MSRB3: variants seen among roughly 807,000 people sequenced by gnomAD.
MSRB3 encodes the protein methionine-R-sulfoxide reductase B3.
A neutral mutation model predicts 21.0 loss-of-function variants in MSRB3; 13 were observed. That is an observed-to-expected ratio of 0.62 (90% CI 0.40 to 0.98). The LOEUF (loss-of-function observed/expected upper bound fraction) is 0.98. Ranked by LOEUF, MSRB3 falls within the 50% of genes least tolerant of loss-of-function variation. The pLI, the probability that MSRB3 is intolerant of heterozygous loss-of-function variation, is 0.00. For synonymous variants in MSRB3, 87 were observed against 88.6 expected, an observed-to-expected ratio of 0.98 and a Z score of 0.10; for missense variants, 199 against 230.3, an observed-to-expected ratio of 0.86 and a Z score of 0.88.
At chr12:65,396,750 A>AAGAAAGAAAGAAAGAG (rs1879837583) in intron 5 of MSRB3, among the ~76,000 whole-genome samples, 1 of 150,410 alleles carries the variant, frequency 6.6e-6, no homozygotes, top group Non-Finnish European at 1.5e-5. Context: ...GAAAGAAAGA[A>AAGAAAGAAAGAAAGAG]AGAAAACCCA....
In MSRB3 at chr12:65,354,648, C is replaced by T. The variant is rs150108270; in HGVS notation, c.264-14350C>T. 3.5e-3 allele frequency among the ~76,000 whole-genome samples: 524 copies of T among 151,552 alleles called. 4 individuals are homozygous for T. The highest frequency in any genetic ancestry group is 0.012 in the African/African-American group (492 of 41,394). Reference sequence around the variant, plus strand: ...CGTTTAATTTTTTTTTAAGAAAGATCTTTAAGTTTACTACAAAGGCCAAAG... The same window carrying T: ...CGTTTAATTTTTTTTTAAGAAAGATTTTTAAGTTTACTACAAAGGCCAAAG... On this transcript the variant is annotated intron_variant, in intron 4 of 6. Coordinates refer to ENST00000308259, the MANE Select transcript of MSRB3 (RefSeq NM_001031679.3).
intron 5 of MSRB3, among the ~76,000 whole-genome samples, chr12:65,436,678 A>ATCATTAATC (rs1453184740): frequency 9.2e-5 from 14 of 152,052 alleles, no homozygotes; most frequent in African/African-American, 2.9e-4. Context: ...ATTTACAAAA[A>ATCATTAATC]TCATTAATCA....
intron 5 of MSRB3, among the ~76,000 whole-genome samples, chr12:65,411,716 T>C (rs1165555916): frequency 6.7e-6 from 1 of 150,182 alleles, no homozygotes; most frequent in African/African-American, 2.4e-5. Context: ...AATGCAGAAT[T>C]AAGCTAGATT....
intron 2 of MSRB3, among the ~76,000 whole-genome samples, chr12:65,313,308 C>T (rs1303464258): frequency 6.6e-6 from 1 of 152,064 alleles, no homozygotes; most frequent in African/African-American, 2.4e-5. Context: ...TCAATTTGAG[C>T]TGGCAATAGT....
intron 5 of MSRB3, among the ~76,000 whole-genome samples, chr12:65,393,630 CAAAAAAAAAAA>C (rs59417371): frequency 1.1e-5 from 1 of 90,664 alleles, no homozygotes; most frequent in African/African-American, 4.4e-5. Flanking sequence ...GACTCCGTCG[CAAAAAAAAAAA>C]AAAAAAAAAA....
chr12:65,452,844 C>T (rs924854730), intron 5 of MSRB3, among the ~76,000 whole-genome samples: 1 of 152,242 alleles, frequency 6.6e-6, no homozygotes, highest in Non-Finnish European at 1.5e-5. Flanking sequence ...AAAAATTGCA[C>T]CAGCACTTCA....
chr12:65,304,598 G>T (rs923401941), intron 1 of MSRB3, among the ~76,000 whole-genome samples: 1 of 152,168 alleles, frequency 6.6e-6, no homozygotes, highest in African/African-American at 2.4e-5. Flanking sequence ...ATTCATCCAT[G>T]TAGTTAATTG....
chr12:65,351,188 T>G (rs1477659655), intron 4 of MSRB3, among the ~76,000 whole-genome samples: 1 of 151,818 alleles, frequency 6.6e-6, no homozygotes, highest in African/African-American at 2.4e-5. Flanking sequence ...ACATGGAAAC[T>G]GAACAACCTG....
At chr12:65,433,516 A>G (rs910591763) in intron 5 of MSRB3, among the ~76,000 whole-genome samples, 2 of 151,778 alleles carry the variant, frequency 1.3e-5, no homozygotes, top group Non-Finnish European at 2.9e-5. Flanking sequence ...TCACACCATC[A>G]TGCACAGAAT....
At chr12:65,416,095 C>A (rs1293073340) in intron 5 of MSRB3, among the ~76,000 whole-genome samples, 1 of 152,176 alleles carries the variant, frequency 6.6e-6, no homozygotes, top group Non-Finnish European at 1.5e-5. Context: ...TGAAGCAGCC[C>A]AGAGGCATCT....
chr12:65,449,890 A>G (rs1305692418), intron 5 of MSRB3, among the ~76,000 whole-genome samples: 1 of 152,290 alleles, frequency 6.6e-6, no homozygotes, highest in East Asian at 1.9e-4. Flanking sequence ...TGCTAACTTT[A>G]ACAACATGTT....
At chr12:65,281,041 A>G (rs1246900815) in intron 1 of MSRB3, among the ~76,000 whole-genome samples, 4 of 152,172 alleles carry the variant, frequency 2.6e-5, no homozygotes, top group African/African-American at 9.7e-5. Context: ...GGCCTGGTCA[A>G]CATAGGGATA....
At chr12:65,409,508 A>C (rs970599377) in intron 5 of MSRB3, among the ~76,000 whole-genome samples, 3 of 152,160 alleles carry the variant, frequency 2.0e-5, no homozygotes, top group African/African-American at 7.2e-5. Context: ...ATGGCATTAT[A>C]ATCTTAGGGG....
At chr12:65,310,060 G>T (rs1873896004) in intron 2 of MSRB3, among the ~76,000 whole-genome samples, 1 of 152,248 alleles carries the variant, frequency 6.6e-6, no homozygotes, top group African/African-American at 2.4e-5. Flanking sequence ...GAGAGAGGCT[G>T]GGATGGCAAC....
chr12:65,337,271 A>AAC (rs1026347785), intron 4 of MSRB3, among the ~76,000 whole-genome samples: 2 of 151,524 alleles, frequency 1.3e-5, no homozygotes, highest in African/African-American at 4.9e-5. Context: ...AACAAAACAA[A>AAC]AAAAAACCAA....
intron 4 of MSRB3, among the ~76,000 whole-genome samples, chr12:65,330,182 T>G (rs767099372): frequency 4.6e-5 from 7 of 152,318 alleles, no homozygotes; most frequent in Non-Finnish European, 1.0e-4. Context: ...CTTACTGTTT[T>G]AAATAAGAAA....
At chr12:65,440,569 G>C (rs1282549756) in intron 5 of MSRB3, among the ~76,000 whole-genome samples, 3 of 151,882 alleles carry the variant, frequency 2.0e-5, no homozygotes, top group South Asian at 2.1e-4. Flanking sequence ...CTAAAAGGAA[G>C]CCAAATATCA....
chr12:65,403,374 T>C (rs1565875685), intron 5 of MSRB3, among the ~76,000 whole-genome samples: 1 of 152,152 alleles, frequency 6.6e-6, no homozygotes, highest in Non-Finnish European at 1.5e-5. Flanking sequence ...CTCTGCCAAG[T>C]TTGAAATTTC....
At chr12:65,426,256 C>A (rs1001673124) in intron 5 of MSRB3, among the ~76,000 whole-genome samples, 5 of 152,088 alleles carry the variant, frequency 3.3e-5, no homozygotes, top group African/African-American at 1.2e-4. Context: ...ATGTTGAACT[C>A]ACTTAGCTTT....
Sources: gnomAD v4.1 joint callset for allele counts (sites outside exome capture counted in the v4.1 genomes callset) on GRCh38, gnomAD v4.1.1 for gene constraint, MANE v1.5 for transcripts, NCBI Gene and HGNC (gene_info 2026-07-23, HGNC 2026-07-21) for gene names.